Variants in IRAK4 observed in about 807,000 individuals in gnomAD.
IRAK4 encodes the protein interleukin-1 receptor-associated kinase 4.
Under a neutral mutation model 51.8 loss-of-function variants are expected in IRAK4, and 44 were observed. The observed-to-expected ratio is 0.85, with a 90% confidence interval of 0.67 to 1.09. The LOEUF (loss-of-function observed/expected upper bound fraction) is 1.09. Ranked by LOEUF, IRAK4 falls within the 50% of genes least tolerant of loss-of-function variation. The pLI, the probability that IRAK4 is intolerant of heterozygous loss-of-function variation, is 0.00. For missense variants in IRAK4, 487 were observed against 538.0 expected (o/e 0.91, Z 0.94); for synonymous variants, 149 against 174.1 (o/e 0.86, Z 1.13).
chr12:43,770,252 G>C (rs537824623), intron 2 of IRAK4, among the ~76,000 whole-genome samples: 5 of 152,226 alleles, frequency 3.3e-5, no homozygotes, highest in Admixed American at 3.3e-4. Flanking sequence ...TTACAGTTAA[G>C]ATCAAAGGAA....
In IRAK4 at chr12:43,788,539, CTT is replaced by C. The variant is rs538947924; in HGVS notation, c.*1841_*1842del. On this transcript the variant is annotated 3_prime_UTR_variant, in exon 12 of 12. Coordinates refer to ENST00000613694, the MANE Select transcript of IRAK4 (RefSeq NM_016123.4). ...CATGGAATCAAGGAATATGTTAGGG[CTT>C]TTTTTTTTTTTTTTTTGAGACGGAG... is the stretch of plus-strand genomic sequence containing the variant. The C allele has an allele frequency of 2.3e-4, 30 of 130,530 alleles. No homozygotes were observed. Among genetic ancestry groups the C allele is most frequent in the East Asian group, 1.7e-3 (8 of 4,600 alleles). 8.1% of individuals were successfully genotyped at this position (130,530 alleles called of 1,614,324 possible).
chr12:43,766,797 A>G (rs1940196008), intron 1 of IRAK4, among the ~76,000 whole-genome samples: 1 of 152,200 alleles, frequency 6.6e-6, no homozygotes. Flanking sequence ...ACCATTATCT[A>G]CAGTATGCAA....
At chr12:43,764,949 CTTGCTTTTGACTGTCTGCTT>C (rs138653083) in intron 1 of IRAK4, among the ~76,000 whole-genome samples, 2,821 of 152,266 alleles carry the variant, frequency 0.019, 56 homozygotes, top group South Asian at 0.071. Context: ...CAGCCATGCC[CTTGCTTTTGACTGTCTGCTT>C]TTGCTTTAAT....
intron 2 of IRAK4, among the ~76,000 whole-genome samples, chr12:43,770,214 C>T (rs980287386): frequency 6.6e-6 from 1 of 152,014 alleles, no homozygotes; most frequent in African/African-American, 2.4e-5. Flanking sequence ...TGAAAGCCGA[C>T]TTTGTGATTT....
At chr12:43,773,763 T>C (rs1941012094) in intron 5 of IRAK4, 2 of 398,194 alleles carry the variant, frequency 5.0e-6, no homozygotes, top group Non-Finnish European at 9.0e-6. Context: ...GTGAAATTTA[T>C]ATATATTTTT....
chr12:43,786,503 T>G lies in IRAK4; in HGVS notation c.1293T>G (p.Ser431=), dbSNP rs780112532. The G allele has an allele frequency of 6.2e-7, 1 of 1,613,608 alleles. No homozygotes were observed. The highest frequency in any genetic ancestry group is 8.5e-7 in the Non-Finnish European group (1 of 1,179,822). ...ADSTSVEAMY[S]VASQCLHEKK... is the part of the protein sequence containing the mutation. ...CCACTTCAGTTGAAGCTATGTACTC[T>G]GTTGCTAGTCAATGTCTGCATGAAA... The change falls in exon 11 of 12, where the codon TCT becomes TCG. Residue 431 remains serine (S), a synonymous_variant. Transcript: ENST00000613694.
intron 7 of IRAK4, 81 bp downstream of exon 7, chr12:43,777,825 T>A: frequency 8.6e-7 from 1 of 1,159,226 alleles, no homozygotes; most frequent in Non-Finnish European, 1.3e-6. Flanking sequence ...CTGGATTATT[T>A]AAACCAAATT....
intron 3 of IRAK4, among the ~76,000 whole-genome samples, chr12:43,771,719 AT>A (rs1449503216): frequency 6.6e-6 from 1 of 152,184 alleles, no homozygotes. Flanking sequence ...TATAATCATA[AT>A]TTTAAAAAAT....
At chr12:43,780,983 G>A (rs4251518) in intron 8 of IRAK4, among the ~76,000 whole-genome samples, 1,993 of 152,100 alleles carry the variant, frequency 0.013, 43 homozygotes, top group African/African-American at 0.044. Context: ...TAGTATCCCC[G>A]TACCAAAAAC....
chr12:43,770,798 T>C, intron 2 of IRAK4, among the ~76,000 whole-genome samples: 1 of 152,170 alleles, frequency 6.6e-6, no homozygotes, highest in East Asian at 1.9e-4. Flanking sequence ...GTTAGAAACT[T>C]AATACCCATT....
rs373506246 is a variant in IRAK4 at position 43,777,760 on chromosome 12, A to G, written c.831+16A>G. Reference sequence around the variant, plus strand: ...CTCTTGCTTGGTAAGCTATTTGTTCATCAGATTGTTTGGCTTTTTGTTTAT... The same window carrying G: ...CTCTTGCTTGGTAAGCTATTTGTTCGTCAGATTGTTTGGCTTTTTGTTTAT... On this transcript the variant is annotated intron_variant, in intron 7 of 11. Coordinates refer to ENST00000613694, the MANE Select transcript of IRAK4 (RefSeq NM_016123.4). 1.3e-6 allele frequency: 2 copies of G among 1,589,520 alleles called. No homozygotes were observed. Among genetic ancestry groups the G allele is most frequent in the Non-Finnish European group, 1.7e-6 (2 of 1,158,006 alleles).
At chr12:43,783,752 C>T (rs201171901) in intron 10 of IRAK4, 28 bp downstream of exon 10, 1 of 1,465,706 alleles carries the variant, frequency 6.8e-7, no homozygotes, top group Admixed American at 1.7e-5. Context: ...TTTCCTCAAT[C>T]CTTTTTTCTC....
rs1273158602 is a variant in IRAK4, at chr12:43,776,526, A to C, written c.717-1104A>C. Among the ~76,000 whole-genome samples, 4 of 152,274 alleles carry C rather than the reference A, an allele frequency of 2.6e-5. No individual in the cohort carries two copies. In the South Asian group the frequency reaches 6.2e-4, roughly 24 times the overall value. ...TTTTGAATGAACAAAATGAATAAGC[A>C]CTTAAATAATAAAACACTTATCATG... On this transcript the variant is annotated intron_variant, in intron 6 of 11. Coordinates refer to ENST00000613694, the MANE Select transcript of IRAK4 (RefSeq NM_016123.4).
intron 4 of IRAK4, 133 bp from the exon 5 acceptor site, chr12:43,772,779 T>G (rs896275109): frequency 4.2e-6 from 3 of 715,742 alleles, no homozygotes; most frequent in East Asian, 5.7e-5. Flanking sequence ...TAGAAATGGT[T>G]TTATCTTCTC....
At chr12:43,763,714 C>T (rs921862433) in intron 1 of IRAK4, among the ~76,000 whole-genome samples, 1 of 150,884 alleles carries the variant, frequency 6.6e-6, no homozygotes. Flanking sequence ...CCCATTTTCC[C>T]TCCCCTCATA....
chr12:43,768,780 G>A (rs1476457093), intron 2 of IRAK4, among the ~76,000 whole-genome samples: 3 of 152,152 alleles, frequency 2.0e-5, no homozygotes, highest in Non-Finnish European at 4.4e-5. Context: ...TCTCAGTGCT[G>A]TCTTCAGATA....
In IRAK4 at chr12:43,771,345, C is replaced by T. The variant is rs763390934; in HGVS notation, c.287C>T (p.Pro96Leu). 2.5e-6 allele frequency: 4 copies of T among 1,614,030 alleles called. No homozygotes were observed. Among genetic ancestry groups the T allele is most frequent in the Non-Finnish European group, 8.5e-7 (1 of 1,180,026 alleles). ...DLLIQNEFFA[P>L]ASLLLPDAVP... is the part of the protein sequence containing the mutation. ...TTGATCCAAAATGAATTTTTTGCTC[C>T]TGCGAGTCTTTTGCTCCCAGGTAAA... Residue 96 changes from proline to leucine, a missense_variant, in exon 3 of 12, where the codon CCT (proline) becomes CTT (leucine). By Grantham distance (98) the Pro-to-Leu change is moderately conservative. Transcript: ENST00000613694.
rs1941037001 is a variant in IRAK4 at position 43,774,026 on chromosome 12, C to CA, written c.716dup (p.Cys240ValfsTer4). 6.2e-7 allele frequency: 1 copy of CA among 1,606,476 alleles called. No individual in the cohort carries two copies. ...TTTGATCAAGAAATAAAAGTAATGG[C>CA]AAAGTAAGTCTTAATCTGGCAGTGC... On this transcript the variant is annotated frameshift_variant, in exon 6 of 12. Transcript: ENST00000613694. LOFTEE classifies it high-confidence loss of function.
At chr12:43,760,010 G>C (rs142026399) in intron 1 of IRAK4, among the ~76,000 whole-genome samples, 2 of 152,162 alleles carry the variant, frequency 1.3e-5, no homozygotes, top group Non-Finnish European at 2.9e-5. Flanking sequence ...ACTAAAATCT[G>C]CCTTTTCCCT....
Sources: gnomAD v4.1 joint callset for allele counts (sites outside exome capture counted in the v4.1 genomes callset) on GRCh38, gnomAD v4.1.1 for gene constraint, MANE v1.5 for transcripts, NCBI Gene and HGNC (gene_info 2026-07-23, HGNC 2026-07-21) for gene names.